Variants in CRABP1 observed in about 807,000 individuals in gnomAD.
CRABP1 encodes the protein cellular retinoic acid-binding protein 1.
CRABP1 carries 9 observed loss-of-function variants against 16.4 expected under a neutral mutation model. The observed-to-expected ratio is 0.55, with a 90% CI of 0.33 to 0.96. CRABP1 has a LOEUF of 0.96. Ranked by LOEUF, CRABP1 falls within the 40% of genes least tolerant of loss-of-function variation. The pLI is 0.03. For synonymous variants in CRABP1, 72 were observed against 70.4 expected, an observed-to-expected ratio of 1.02 and a Z score of -0.11; for missense variants, 157 against 186.0, an observed-to-expected ratio of 0.84 and a Z score of 0.91.
chr15:78,344,674 A>C (rs2050255467), intron 3 of CRABP1, among the ~76,000 whole-genome samples: 1 of 151,522 alleles, frequency 6.6e-6, no homozygotes, highest in Non-Finnish European at 1.5e-5. Flanking sequence ...TCACACCTGT[A>C]ATCCCAGCAC....
intron 3 of CRABP1, among the ~76,000 whole-genome samples, chr15:78,344,363 G>A: frequency 6.6e-6 from 1 of 152,052 alleles, no homozygotes; most frequent in East Asian, 1.9e-4. Context: ...GGGAAGCTGA[G>A]GCAGGAGATT....
At chr15:78,347,611 T>C (rs796654433) in intron 3 of CRABP1, among the ~76,000 whole-genome samples, 11 of 152,346 alleles carry the variant, frequency 7.2e-5, no homozygotes, top group African/African-American at 2.6e-4. Flanking sequence ...GAAATGTCCA[T>C]TGTGACATTC....
intron 3 of CRABP1, among the ~76,000 whole-genome samples, chr15:78,345,588 T>C (rs1340432664): frequency 6.6e-6 from 1 of 151,904 alleles, no homozygotes; most frequent in Non-Finnish European, 1.5e-5. Context: ...GTGATTTTAT[T>C]AACCTCTGTA....
Position 78,348,103 on chromosome 15 carries a change from T to A in CRABP1, c.*126T>A. 1.1e-5 allele frequency: 10 copies of A among 900,574 alleles called. No individual in the cohort carries two copies. Among genetic ancestry groups the A allele is most frequent in the Non-Finnish European group, 1.7e-5 (10 of 573,236 alleles). 55.8% of individuals were successfully genotyped at this position (900,574 alleles called of 1,614,324 possible). A position where few individuals can be genotyped will look rare whatever the true frequency, so the allele number is the denominator to read the frequency against. On this transcript the variant is annotated 3_prime_UTR_variant, in exon 4 of 4. Coordinates refer to ENST00000299529, the MANE Select transcript of CRABP1 (RefSeq NM_004378.3). ...ATATTAGGTGATCCCGTTTTCCCCA[T>A]GACAATGTTGTAGTGTCCCCCACCC...
intron 1 of CRABP1, 158 bp downstream of exon 1, chr15:78,340,656 G>C (rs184858686): frequency 2.4e-6 from 2 of 827,546 alleles, no homozygotes; most frequent in African/African-American, 3.5e-5. Flanking sequence ...GGCGCACCGG[G>C]TCTCGGAGAA....
Position 78,341,106 on chromosome 15 carries a change from G to T in CRABP1, c.134G>T (p.Arg45Leu), listed in dbSNP as rs1182793709. 9.3e-6 allele frequency: 15 copies of T among 1,612,818 alleles called. No homozygotes were observed. Among genetic ancestry groups the T allele is most frequent in the Non-Finnish European group, 1.2e-5 (14 of 1,179,796 alleles). ...AAASKPHVEI[R>L]QDGDQFYIKT... ...GCGTCCAAGCCGCACGTGGAGATCC[G>T]CCAGGACGGGGATCAGTTCTACATC... Residue 45 changes from arginine to leucine, a missense_variant, in exon 2 of 4, where the codon CGC (arginine) becomes CTC (leucine). Arg to Leu is a moderately radical substitution (Grantham distance 102). Coordinates refer to ENST00000299529, the MANE Select transcript of CRABP1 (RefSeq NM_004378.3). This position sits in a 1 kb window ranked among gnomAD's most constrained non-coding sequence, Gnocchi z 5.3.
In CRABP1 at chr15:78,347,971, AG is replaced by A. The variant is rs1317165012; in HGVS notation, c.409del (p.Glu137SerfsTer18). 6.2e-6 allele frequency: 10 copies of A among 1,614,146 alleles called. No individual in the cohort carries two copies. Among genetic ancestry groups the A allele is most frequent in the Non-Finnish European group, 8.5e-6 (10 of 1,180,018 alleles). Reference sequence around the variant, plus strand: ...TGGTCTGCACCAGAATTTATGTCCGAGAGTGAAGGCAGCTGGCTTGCTCCTA... The same window carrying A: ...TGGTCTGCACCAGAATTTATGTCCGAAGTGAAGGCAGCTGGCTTGCTCCTA... The part of the protein sequence containing the change: ...DVVCTRIYVR[E>X] On this transcript the variant is annotated frameshift_variant, in exon 4 of 4. Coordinates refer to ENST00000299529, the MANE Select transcript of CRABP1 (RefSeq NM_004378.3). LOFTEE classifies it high-confidence loss of function.
intron 3 of CRABP1, 170 bp from the exon 4 acceptor site, chr15:78,347,757 A>T: frequency 1.5e-6 from 1 of 645,162 alleles, no homozygotes; most frequent in South Asian, 1.9e-5. Context: ...ATAGCGCTTA[A>T]GGGGGAAAAA....
chr15:78,343,745 G>T (rs1254850564), intron 3 of CRABP1, 133 bp downstream of exon 3: 1 of 645,280 alleles, frequency 1.5e-6, no homozygotes, highest in Non-Finnish European at 2.7e-6. Context: ...AATTAGAGCA[G>T]AAAACCCGAG....
chr15:78,344,512 A>G (rs1167461308), intron 3 of CRABP1, among the ~76,000 whole-genome samples: 1 of 152,088 alleles, frequency 6.6e-6, no homozygotes, highest in East Asian at 1.9e-4. Flanking sequence ...CTAGCCAAAC[A>G]AAACTTACCT....
chr15:78,347,296 C>T (rs2050271928), intron 3 of CRABP1, among the ~76,000 whole-genome samples: 1 of 152,210 alleles, frequency 6.6e-6, no homozygotes, highest in South Asian at 2.1e-4. Context: ...CTTTCCCAAA[C>T]AGGCCACGAG....
intron 3 of CRABP1, among the ~76,000 whole-genome samples, chr15:78,344,518 T>G (rs2050254478): frequency 6.6e-6 from 1 of 151,890 alleles, no homozygotes; most frequent in African/African-American, 2.4e-5. Context: ...AAACAAAACT[T>G]ACCTAGTGAG....
At chr15:78,347,848 G>A (rs181376814) in intron 3 of CRABP1, 79 bp from the exon 4 acceptor site, 5 of 1,271,232 alleles carry the variant, frequency 3.9e-6, no homozygotes, top group Admixed American at 3.5e-5. Context: ...GGCAATAAGT[G>A]GCCTTATTAG....
intron 2 of CRABP1, among the ~76,000 whole-genome samples, chr15:78,342,871 G>T (rs1235631161): frequency 1.3e-5 from 2 of 152,130 alleles, no homozygotes; most frequent in African/African-American, 4.8e-5. Flanking sequence ...TGATGTGAAG[G>T]TTCTTGCTTT....
intron 3 of CRABP1, among the ~76,000 whole-genome samples, chr15:78,345,209 A>G (rs891842109): frequency 6.6e-6 from 1 of 152,168 alleles, no homozygotes; most frequent in Non-Finnish European, 1.5e-5. Flanking sequence ...GTTAAGCTGA[A>G]GTCTGATCCC....
At chr15:78,343,407 C>G (rs1055557854) in intron 2 of CRABP1, 92 bp from the exon 3 acceptor site, 5 of 990,138 alleles carry the variant, frequency 5.0e-6, no homozygotes, top group Non-Finnish European at 7.8e-6. Flanking sequence ...TGTTGATTCT[C>G]TGCAGAGCAA....
intron 1 of CRABP1, 29 bp downstream of exon 1, chr15:78,340,527 C>T: frequency 6.3e-7 from 1 of 1,594,896 alleles, no homozygotes. Context: ...CGCGCCCCGA[C>T]GGGGAGATGC....
Position 78,343,563 on chromosome 15 carries a change from GC to G in CRABP1, c.318del (p.Thr108ProfsTer14). 6.2e-7 allele frequency: 1 copy of G among 1,614,176 alleles called. No individual in the cohort carries two copies. The highest frequency in any genetic ancestry group is 1.3e-5 in the African/African-American group (1 of 75,060). ...ACGCAAACTCTTCTTGAAGGGGACG[GC>G]CCCAAAACCTACTGGACCCGTGAGC... ...HCTQTLLEGD[G>X]PKTYWTRELA... On this transcript the variant is annotated frameshift_variant, in exon 3 of 4. Coordinates refer to ENST00000299529, the MANE Select transcript of CRABP1 (RefSeq NM_004378.3). LOFTEE classifies it high-confidence loss of function.
At chr15:78,340,531 G>A (rs1224768493) in intron 1 of CRABP1, 33 bp downstream of exon 1, 4 of 1,595,554 alleles carry the variant, frequency 2.5e-6, no homozygotes, top group Non-Finnish European at 2.6e-6. Context: ...CCCCGACGGG[G>A]AGATGCGGCC....
Sources: allele counts gnomAD v4.1 joint callset (sites outside exome capture counted in the v4.1 genomes callset), GRCh38; gene constraint gnomAD v4.1.1; non-coding constraint Gnocchi (gnomAD v3.1); transcripts MANE v1.5; gene names NCBI Gene and HGNC (gene_info 2026-07-23, HGNC 2026-07-21).